KCNMB4: variants seen among roughly 807,000 people sequenced by gnomAD.
The protein encoded by KCNMB4 is potassium calcium-activated channel subfamily M regulatory beta subunit 4.
In KCNMB4, 3 loss-of-function variants were observed where a neutral mutation model predicts 20.7. That is an observed-to-expected ratio of 0.14 (90% CI 0.07 to 0.37). The LOEUF is 0.37. Ranked by LOEUF, KCNMB4 falls within the 10% of genes least tolerant of loss-of-function variation. The pLI is 1.00. For missense variants in KCNMB4, 168 were observed against 265.9 expected (o/e 0.63, Z 2.56); for synonymous variants, 110 against 113.4 (o/e 0.97, Z 0.19).
At chr12:70,413,410 G>A (rs1868834651) in intron 2 of KCNMB4, among the ~76,000 whole-genome samples, 1 of 152,178 alleles carries the variant, frequency 6.6e-6, no homozygotes, top group Non-Finnish European at 1.5e-5. Flanking sequence ...AGAACCGTAG[G>A]ACAAGTAGGT....
intron 1 of KCNMB4, among the ~76,000 whole-genome samples, chr12:70,377,952 C>CT (rs112757781): frequency 0.016 from 2,243 of 141,758 alleles, 37 homozygotes; most frequent in African/African-American, 0.051. Context: ...AGCTCTACTT[C>CT]TTTTTTTTTT....
intron 1 of KCNMB4, among the ~76,000 whole-genome samples, chr12:70,395,291 C>T (rs1043847554): frequency 2.0e-5 from 3 of 152,052 alleles, no homozygotes; most frequent in Non-Finnish European, 4.4e-5. Context: ...AACAAATTTC[C>T]TCATTTCTGT....
At chr12:70,369,343 G>A (rs1372270195) in intron 1 of KCNMB4, among the ~76,000 whole-genome samples, 1 of 152,170 alleles carries the variant, frequency 6.6e-6, no homozygotes, top group Non-Finnish European at 1.5e-5. Context: ...AAAATATTAT[G>A]CCAGAGTCAT....
At chr12:70,376,630 G>A (rs2136117026) in intron 1 of KCNMB4, among the ~76,000 whole-genome samples, 3 of 152,056 alleles carry the variant, frequency 2.0e-5, no homozygotes, top group South Asian at 4.1e-4. Context: ...CACTTTGGGA[G>A]GCCAAAGCAG....
At position 70,433,662 on chromosome 12, in the gene KCNMB4, G is replaced by T. The variant is rs1356368854; in HGVS notation, c.*3009G>T. The T allele has an allele frequency of 6.6e-6, 1 of 152,240 alleles. No individual in the cohort carries two copies. Among genetic ancestry groups the T allele is most frequent in the African/African-American group, 2.4e-5 (1 of 41,470 alleles). 9.4% of individuals were successfully genotyped at this position (152,240 alleles called of 1,614,324 possible). A position where few individuals can be genotyped will look rare whatever the true frequency, so the allele number is the denominator to read the frequency against. On this transcript the variant is annotated 3_prime_UTR_variant, in exon 3 of 3. Transcript: ENST00000258111. ...GAGGGGAATGAATACTAGAGTTAAA[G>T]ACAAAAATGATAGCAGCCAATGGCC...
intron 2 of KCNMB4, among the ~76,000 whole-genome samples, chr12:70,429,599 G>A (rs1211889052): frequency 6.6e-5 from 10 of 151,384 alleles, no homozygotes; most frequent in South Asian, 4.2e-4. Flanking sequence ...CCCAGGAGGC[G>A]GAGCTTGCAG....
At chr12:70,410,078 C>G (rs989507214) in intron 2 of KCNMB4, among the ~76,000 whole-genome samples, 2 of 152,220 alleles carry the variant, frequency 1.3e-5, no homozygotes, top group African/African-American at 4.8e-5. Flanking sequence ...GGGACACCTT[C>G]ACCTTTTTTA....
chr12:70,408,009 G>A (rs367776936), intron 2 of KCNMB4, among the ~76,000 whole-genome samples: 6 of 152,302 alleles, frequency 3.9e-5, no homozygotes, highest in African/African-American at 1.4e-4. Flanking sequence ...ACCTATAGCA[G>A]TTGTGTTAAC....
At position 70,430,611 on chromosome 12, in the gene KCNMB4, G is replaced by T; in HGVS notation, c.591G>T (p.Leu197Phe). The T allele has an allele frequency of 1.9e-6, 3 of 1,611,974 alleles. No homozygotes were observed. Among genetic ancestry groups the T allele is most frequent in the Non-Finnish European group, 2.5e-6 (3 of 1,179,544 alleles). ...IVVLTICAKS[L>F]AVKAEAMKKR... ...TCCTGACCATCTGTGCCAAGAGCTT[G>T]GCGGTCAAGGCGGAAGCCATGAAGA... The change falls in exon 3 of 3, where the codon TTG becomes TTT. Residue 197 changes from leucine (L) to phenylalanine (F), a missense_variant. Coordinates refer to ENST00000258111, the MANE Select transcript of KCNMB4 (RefSeq NM_014505.6).
At chr12:70,400,425 C>CA in intron 2 of KCNMB4, 89 bp downstream of exon 2, 2 of 1,322,122 alleles carry the variant, frequency 1.5e-6, no homozygotes, top group South Asian at 3.2e-5. Flanking sequence ...GCCCACTTGA[C>CA]AGCATGGAGA....
chr12:70,419,180 TA>T (rs1287548196), intron 2 of KCNMB4, among the ~76,000 whole-genome samples: 1 of 152,214 alleles, frequency 6.6e-6, no homozygotes, highest in Non-Finnish European at 1.5e-5. Context: ...AAAAGAAAGA[TA>T]TTTTCAGCAT....
chr12:70,373,677 A>G (rs1883637172), intron 1 of KCNMB4, among the ~76,000 whole-genome samples: 1 of 152,204 alleles, frequency 6.6e-6, no homozygotes, highest in Non-Finnish European at 1.5e-5. Flanking sequence ...TGAGTAGGTG[A>G]CTTATGATTA....
At chr12:70,386,282 G>T (rs1257692675) in intron 1 of KCNMB4, among the ~76,000 whole-genome samples, 1 of 151,974 alleles carries the variant, frequency 6.6e-6, no homozygotes, top group East Asian at 1.9e-4. Flanking sequence ...TAGATAATGG[G>T]TCTGTCTTCA....
At chr12:70,418,699 A>G (rs995987878) in intron 2 of KCNMB4, among the ~76,000 whole-genome samples, 1 of 152,124 alleles carries the variant, frequency 6.6e-6, no homozygotes, top group Non-Finnish European at 1.5e-5. Flanking sequence ...TTTAAATGCC[A>G]TATTTCATCT....
chr12:70,391,721 T>G (rs1416488002), intron 1 of KCNMB4, among the ~76,000 whole-genome samples: 2 of 152,198 alleles, frequency 1.3e-5, no homozygotes, highest in African/African-American at 4.8e-5. Context: ...CAGTTTGGGT[T>G]TCCTTGTAGA....
chr12:70,392,260 C>G (rs867774125), intron 1 of KCNMB4, among the ~76,000 whole-genome samples: 1 of 152,112 alleles, frequency 6.6e-6, no homozygotes, highest in Non-Finnish European at 1.5e-5. Flanking sequence ...AAATGCAAAT[C>G]AAAACCACAA....
intron 2 of KCNMB4, among the ~76,000 whole-genome samples, chr12:70,421,880 C>CT (rs34594277): frequency 0.054 from 7,376 of 136,858 alleles, 347 homozygotes; most frequent in African/African-American, 0.13. Context: ...CATGCCTGGC[C>CT]TTTTTTTTTT....
At chr12:70,428,474 CCTCACA>C (rs1869271460) in intron 2 of KCNMB4, among the ~76,000 whole-genome samples, 1 of 152,130 alleles carries the variant, frequency 6.6e-6, no homozygotes, top group Non-Finnish European at 1.5e-5. Flanking sequence ...TTTTACCTTC[CCTCACA>C]CTTAGGGAGA....
At chr12:70,386,696 G>A (rs1299539990) in intron 1 of KCNMB4, among the ~76,000 whole-genome samples, 1 of 151,736 alleles carries the variant, frequency 6.6e-6, no homozygotes, top group Non-Finnish European at 1.5e-5. Flanking sequence ...ATACATGCCA[G>A]CTTTTATTCC....
Sources: gnomAD v4.1 joint callset for allele counts (sites outside exome capture counted in the v4.1 genomes callset) on GRCh38, gnomAD v4.1.1 for gene constraint, MANE v1.5 for transcripts, NCBI Gene and HGNC (gene_info 2026-07-23, HGNC 2026-07-21) for gene names.